MAGI2: variants seen among roughly 807,000 people sequenced by gnomAD.
The protein encoded by MAGI2 is membrane associated guanylate kinase, WW and PDZ domain containing 2, also known as membrane-associated guanylate kinase, WW and PDZ domain-containing protein 2.
In MAGI2, 35 loss-of-function variants were observed where a neutral mutation model predicts 133.3. The observed-to-expected ratio is 0.26, with a 90% CI of 0.20 to 0.35. The LOEUF is 0.35. Ranked by LOEUF, MAGI2 falls within the 10% of genes least tolerant of loss-of-function variation. The probability of loss-of-function intolerance (pLI) is 1.00; values close to 1 mark genes in which losing one functional copy is unlikely to be tolerated. For synonymous variants in MAGI2, 729 were observed against 710.6 expected (o/e 1.03, Z -0.41); for missense variants, 1,636 against 1,863.4 (o/e 0.88, Z 2.25).
chr7:78,757,833 C>T (rs1824108002), intron 2 of MAGI2, among the ~76,000 whole-genome samples: 1 of 152,128 alleles, frequency 6.6e-6, no homozygotes. Flanking sequence ...TAGATGATGC[C>T]ATTCATCTCA....
chr7:78,689,762 A>T (rs1423730003), intron 2 of MAGI2, among the ~76,000 whole-genome samples: 1 of 118,898 alleles, frequency 8.4e-6, no homozygotes, highest in Non-Finnish European at 1.6e-5. Flanking sequence ...TCAGTAATTC[A>T]TTCCCTTTTA....
intron 1 of MAGI2, among the ~76,000 whole-genome samples, chr7:79,073,434 C>T (rs949463350): frequency 4.6e-5 from 7 of 152,078 alleles, no homozygotes; most frequent in Non-Finnish European, 1.0e-4. Context: ...AATTTTTATT[C>T]TCAAAATCAT....
At chr7:79,020,784 G>C (rs1478128310) in intron 1 of MAGI2, among the ~76,000 whole-genome samples, 3 of 150,594 alleles carry the variant, frequency 2.0e-5, no homozygotes, top group Non-Finnish European at 4.4e-5. Context: ...AAAAAGGAAA[G>C]AAAAAAGAAA....
chr7:78,693,558 C>T (rs1817192230), intron 2 of MAGI2, among the ~76,000 whole-genome samples: 1 of 152,118 alleles, frequency 6.6e-6, no homozygotes, highest in African/African-American at 2.4e-5. Context: ...TTTTCAACTC[C>T]TCACTATTTG....
At chr7:78,141,876 C>T (rs1411692077) in intron 16 of MAGI2, among the ~76,000 whole-genome samples, 1 of 152,098 alleles carries the variant, frequency 6.6e-6, no homozygotes, top group Non-Finnish European at 1.5e-5. Context: ...CCTATAGATA[C>T]GATTAACTAA....
intron 1 of MAGI2, among the ~76,000 whole-genome samples, chr7:79,208,023 T>C (rs1168161624): frequency 1.3e-5 from 2 of 151,892 alleles, no homozygotes; most frequent in African/African-American, 4.8e-5. Flanking sequence ...TCACACCATA[T>C]ACAAAAATCA....
chr7:78,847,392 A>G (rs1252409565), intron 2 of MAGI2, among the ~76,000 whole-genome samples: 5 of 151,998 alleles, frequency 3.3e-5, no homozygotes, highest in African/African-American at 4.8e-5. Context: ...AAAAGTTTAG[A>G]AGAGGAAGAG....
chr7:79,253,502 G>T (rs1288352309), intron 1 of MAGI2, among the ~76,000 whole-genome samples: 1 of 151,962 alleles, frequency 6.6e-6, no homozygotes, highest in Non-Finnish European at 1.5e-5. Flanking sequence ...AATTAGCCTG[G>T]CATGGTAGCA....
At chr7:78,328,531 C>A (rs867875811) in intron 9 of MAGI2, among the ~76,000 whole-genome samples, 1 of 10,822 alleles carries the variant, frequency 9.2e-5, no homozygotes, top group Non-Finnish European at 1.9e-4. Flanking sequence ...ACACACACAC[C>A]CCTCTCTCTC....
chr7:78,152,635 G>A (rs3735447), intron 16 of MAGI2, among the ~76,000 whole-genome samples: 12,709 of 152,250 alleles, frequency 0.083, 772 homozygotes, highest in East Asian at 0.3. Flanking sequence ...GATGAATACA[G>A]TCTTATCTTT....
At chr7:79,131,075 G>T (rs1820900415) in intron 1 of MAGI2, among the ~76,000 whole-genome samples, 1 of 152,174 alleles carries the variant, frequency 6.6e-6, no homozygotes, top group African/African-American at 2.4e-5. Context: ...TAGGAAAGGT[G>T]CTGTGAAAGG....
At chr7:79,283,294 T>A (rs900648950) in intron 1 of MAGI2, among the ~76,000 whole-genome samples, 36 of 152,096 alleles carry the variant, frequency 2.4e-4, no homozygotes, top group Admixed American at 1.5e-3. Flanking sequence ...TGACATTTTT[T>A]AAAAAATGAT....
At chr7:78,342,913 C>T (rs1790539895) in intron 9 of MAGI2, among the ~76,000 whole-genome samples, 1 of 152,164 alleles carries the variant, frequency 6.6e-6, no homozygotes. Flanking sequence ...ACCTATGTAA[C>T]AAACCTGCTC....
intron 21 of MAGI2, among the ~76,000 whole-genome samples, chr7:78,027,457 G>A (rs1329043217): frequency 1.3e-5 from 2 of 151,854 alleles, no homozygotes; most frequent in East Asian, 3.9e-4. Flanking sequence ...GTAAAACCCC[G>A]TCTCTACTAA....
intron 1 of MAGI2, among the ~76,000 whole-genome samples, chr7:79,315,629 T>C (rs1563107489): frequency 6.6e-6 from 1 of 152,114 alleles, no homozygotes; most frequent in East Asian, 1.9e-4. Context: ...CCTGTATCTA[T>C]TTCTTAATTT....
intron 5 of MAGI2, among the ~76,000 whole-genome samples, chr7:78,500,853 C>T (rs1427984803): frequency 1.3e-5 from 2 of 152,132 alleles, no homozygotes; most frequent in African/African-American, 4.8e-5. Context: ...CTTTGTGAGG[C>T]CAGTGTGGGC....
intron 2 of MAGI2, among the ~76,000 whole-genome samples, chr7:78,818,272 T>C (rs1173787565): frequency 1.1e-4 from 17 of 152,142 alleles, no homozygotes; most frequent in Admixed American, 1.1e-3. Context: ...TGAAATTTTG[T>C]TTTAGAGACT....
At chr7:78,386,109 A>G (rs183785539) in intron 6 of MAGI2, among the ~76,000 whole-genome samples, 3 of 152,308 alleles carry the variant, frequency 2.0e-5, no homozygotes, top group South Asian at 2.1e-4. Flanking sequence ...ATTCCTGGGC[A>G]GAAGGACTAG....
At chr7:78,861,037 C>A (rs1478341315) in intron 2 of MAGI2, among the ~76,000 whole-genome samples, 1 of 152,192 alleles carries the variant, frequency 6.6e-6, no homozygotes. Flanking sequence ...ATGGGACCCT[C>A]CAAGCCATGC....
Sources: allele counts gnomAD v4.1 joint callset (sites outside exome capture counted in the v4.1 genomes callset), GRCh38; gene constraint gnomAD v4.1.1; transcripts MANE v1.5; gene names NCBI Gene and HGNC (gene_info 2026-07-23, HGNC 2026-07-21).